Variants in CNTN3 observed in about 807,000 individuals in gnomAD.
CNTN3 encodes contactin-3.
CNTN3 carries 60 observed loss-of-function variants against 119.1 expected under a neutral mutation model. The ratio of observed to expected loss-of-function variants is 0.50; its 90% CI spans 0.41 to 0.62. CNTN3 has a LOEUF of 0.62. CNTN3 is among the 20% of genes least tolerant of loss of function. CNTN3 has a pLI of 0.00. For missense variants in CNTN3, 1,101 were observed against 1,242.4 expected (o/e 0.89, Z 1.71); for synonymous variants, 450 against 438.7 (o/e 1.03, Z -0.32).
At chr3:74,494,403 T>C (rs1163004518) in intron 3 of CNTN3, among the ~76,000 whole-genome samples, 1 of 152,126 alleles carries the variant, frequency 6.6e-6, no homozygotes, top group Non-Finnish European at 1.5e-5. Flanking sequence ...ACTGACAGGA[T>C]TAGCTTCATT....
intron 5 of CNTN3, among the ~76,000 whole-genome samples, chr3:74,406,225 A>T (rs566484675): frequency 6.6e-6 from 1 of 152,264 alleles, no homozygotes; most frequent in Non-Finnish European, 1.5e-5. Context: ...ATAAGCAATG[A>T]TCAGAAGATA....
At chr3:74,278,189 C>T (rs1453330999) in intron 20 of CNTN3, among the ~76,000 whole-genome samples, 1 of 151,952 alleles carries the variant, frequency 6.6e-6, no homozygotes, top group Non-Finnish European at 1.5e-5. Flanking sequence ...GATCATACTA[C>T]CAAAAACAAT....
chr3:74,301,382 A>G lies in CNTN3; in HGVS notation c.2095+16T>C, dbSNP rs959663406. On this transcript the variant is annotated intron_variant, in intron 16 of 22. Transcript: ENST00000263665. ...AGAAATCTATTAATCCATTACTCAG[A>G]AAAAAAAACACTAACCTGCCTCTTC... 5.6e-6 allele frequency: 9 copies of G among 1,602,478 alleles called. No homozygotes were observed. Among genetic ancestry groups the G allele is most frequent in the Middle Eastern group, 3.3e-4 (2 of 5,978 alleles).
chr3:74,446,222 C>A (rs1338870339), intron 4 of CNTN3, among the ~76,000 whole-genome samples: 1 of 152,112 alleles, frequency 6.6e-6, no homozygotes, highest in Non-Finnish European at 1.5e-5. Flanking sequence ...ACCTGAACTA[C>A]CTCAGGAGGT....
At chr3:74,327,209 A>G (rs1575728857) in intron 13 of CNTN3, among the ~76,000 whole-genome samples, 1 of 145,328 alleles carries the variant, frequency 6.9e-6, no homozygotes. Flanking sequence ...GCTCACTGCA[A>G]CCTCTCCCTC....
At chr3:74,310,012 C>T (rs1224790049) in intron 13 of CNTN3, among the ~76,000 whole-genome samples, 3 of 152,158 alleles carry the variant, frequency 2.0e-5, no homozygotes, top group African/African-American at 7.2e-5. Flanking sequence ...TGCTAATCAA[C>T]CTCAGTCATT....
At chr3:74,344,769 T>C (rs923364315) in intron 11 of CNTN3, among the ~76,000 whole-genome samples, 1 of 152,136 alleles carries the variant, frequency 6.6e-6, no homozygotes, top group Non-Finnish European at 1.5e-5. Context: ...CATTACGCAG[T>C]GTTTTTAACC....
chr3:74,421,133 T>C (rs1429608737), intron 5 of CNTN3, among the ~76,000 whole-genome samples: 1 of 152,178 alleles, frequency 6.6e-6, no homozygotes, highest in Non-Finnish European at 1.5e-5. Context: ...CAACACTCAA[T>C]AGACAGAGGC....
chr3:74,491,276 A>C (rs987237077), intron 3 of CNTN3, among the ~76,000 whole-genome samples: 4 of 152,078 alleles, frequency 2.6e-5, no homozygotes, highest in African/African-American at 9.7e-5. Context: ...CAAGCTGGGA[A>C]GATCTCTTGG....
chr3:74,449,546 T>C (rs939725439), intron 4 of CNTN3, among the ~76,000 whole-genome samples: 1 of 152,116 alleles, frequency 6.6e-6, no homozygotes, highest in African/African-American at 2.4e-5. Context: ...GGAAGGGGTT[T>C]TGGATCTATT....
At position 74,511,446 on chromosome 3, in the gene CNTN3, T is replaced by C. The variant is rs146813823; in HGVS notation, c.55+9612A>G. 2.6e-5 allele frequency among the ~76,000 whole-genome samples: 4 copies of C among 152,238 alleles called. No individual in the cohort carries two copies. The East Asian group carries it at 7.7e-4, about 29-fold the overall frequency. ...CAAGGCATAAAGTCTTGAAGGTACA[T>C]CTAAGTATAATACCACTTTATCAGA... On this transcript the variant is annotated intron_variant, in intron 2 of 22. Coordinates refer to ENST00000263665, the MANE Select transcript of CNTN3 (RefSeq NM_020872.3).
chr3:74,435,777 G>A (rs1701855832), intron 4 of CNTN3, among the ~76,000 whole-genome samples: 1 of 152,156 alleles, frequency 6.6e-6, no homozygotes, highest in Non-Finnish European at 1.5e-5. Flanking sequence ...CTAACATGAT[G>A]CAATAACTGA....
At position 74,285,218 on chromosome 3, in the gene CNTN3, G is replaced by T. The variant is rs1575697339; in HGVS notation, c.2704+87C>A. The T allele has an allele frequency of 3.0e-6, 4 of 1,348,818 alleles. No individual in the cohort carries two copies. In the East Asian group the frequency reaches 7.2e-5, roughly 24 times the overall value. 83.6% of individuals were successfully genotyped at this position (1,348,818 alleles called of 1,614,324 possible). A position where few individuals can be genotyped will look rare whatever the true frequency, so the allele number is the denominator to read the frequency against. The stretch of plus-strand genomic sequence containing the variant: ...ATAATCTAGTGAGATTAATGACTTG[G>T]GTTGTCCATTTCAAATAATAGAGAA... On this transcript the variant is annotated intron_variant, in intron 20 of 22. Transcript: ENST00000263665.
intron 4 of CNTN3, among the ~76,000 whole-genome samples, chr3:74,481,612 G>T (rs535323723): frequency 6.6e-6 from 1 of 151,722 alleles, no homozygotes; most frequent in Admixed American, 6.6e-5. Flanking sequence ...TGTACTTTCA[G>T]GAAAATTTAA....
intron 11 of CNTN3, among the ~76,000 whole-genome samples, chr3:74,361,048 C>T (rs541106857): frequency 2.0e-5 from 3 of 152,142 alleles, no homozygotes; most frequent in East Asian, 3.9e-4. Flanking sequence ...GAGAGGGATG[C>T]TTTGGGGCCA....
At chr3:74,531,858 G>A (rs1412079949) in intron 1 of CNTN3, among the ~76,000 whole-genome samples, 1 of 151,926 alleles carries the variant, frequency 6.6e-6, no homozygotes, top group African/African-American at 2.4e-5. Flanking sequence ...TGGGCATGAA[G>A]GTTCCTTCTA....
intron 5 of CNTN3, among the ~76,000 whole-genome samples, chr3:74,400,235 TC>T (rs1213105600): frequency 3.3e-5 from 5 of 152,302 alleles, no homozygotes; most frequent in Non-Finnish European, 7.4e-5. Flanking sequence ...CCTTCAAAGA[TC>T]CCATTACTTT....
At chr3:74,454,003 G>T (rs1702213498) in intron 4 of CNTN3, among the ~76,000 whole-genome samples, 1 of 149,156 alleles carries the variant, frequency 6.7e-6, no homozygotes, top group Non-Finnish European at 1.5e-5. Flanking sequence ...TTGGGGTGGA[G>T]AGTTCTGTAG....
chr3:74,372,590 T>TA (rs74983590), intron 5 of CNTN3, among the ~76,000 whole-genome samples: 365 of 142,900 alleles, frequency 2.6e-3, no homozygotes, highest in East Asian at 5.0e-3. Context: ...CAATAGAGTT[T>TA]AAAAAAAAAA....
Sources: allele counts gnomAD v4.1 joint callset (sites outside exome capture counted in the v4.1 genomes callset), GRCh38; gene constraint gnomAD v4.1.1; transcripts MANE v1.5; gene names NCBI Gene and HGNC (gene_info 2026-07-23, HGNC 2026-07-21).